VPS26B: variants seen among roughly 807,000 people sequenced by gnomAD.
VPS26B encodes the protein vacuolar protein sorting-associated protein 26B.
Under a neutral mutation model 33.3 loss-of-function variants are expected in VPS26B, and 10 were observed. That is an observed-to-expected ratio of 0.30 (90% CI 0.19 to 0.51). The LOEUF (loss-of-function observed/expected upper bound fraction) is 0.51, where lower values mean the gene tolerates loss of function less well. VPS26B is among the 20% of genes least tolerant of loss of function. The probability of loss-of-function intolerance (pLI) is 0.98; values close to 1 mark genes in which losing one functional copy is unlikely to be tolerated. For synonymous variants in VPS26B, 190 were observed against 176.9 expected, an observed-to-expected ratio of 1.07 and a Z score of -0.59; for missense variants, 317 against 452.7, an observed-to-expected ratio of 0.70 and a Z score of 2.72.
intron 2 of VPS26B, chr11:134,239,699 G>A (rs1369409774): frequency 2.4e-6 from 1 of 423,066 alleles, no homozygotes; most frequent in Non-Finnish European, 4.4e-6. Context: ...ACAAGGCAGA[G>A]AAATCACTTT....
In VPS26B at chr11:134,240,066, C is replaced by T; in HGVS notation, c.456C>T (p.Leu152=). Residue 152 remains leucine, a synonymous_variant, in exon 3 of 6, where the codon CTC becomes CTT. Transcript: ENST00000281187. This position sits in a 1 kb window ranked among gnomAD's most constrained non-coding sequence, Gnocchi z 4.4. ...VKEMDIVVHT[L]STYPELNSSI... is the part of the protein sequence containing the mutation. ...AGATGGACATTGTAGTTCACACACT[C>T]AGCACATACCCAGAGCTGAACTCTT... 1 of 1,614,210 alleles carries T rather than the reference C, an allele frequency of 6.2e-7. No homozygotes were observed. Among genetic ancestry groups the T allele is most frequent in the Non-Finnish European group, 8.5e-7 (1 of 1,180,034 alleles).
chr11:134,244,926 C>T lies in VPS26B; in HGVS notation c.722-12C>T, dbSNP rs1264883754. On this transcript the variant is annotated splice_polypyrimidine_tract_variant and intron_variant, in intron 4 of 5. Coordinates refer to ENST00000281187, the MANE Select transcript of VPS26B (RefSeq NM_052875.5). This position sits in a 1 kb window ranked among gnomAD's most constrained non-coding sequence, Gnocchi z 4.0. ...CTTGCCCCCTGTGCTGACTCCTGCC[C>T]TCCCCCTACAGGAGAGTCCATCCCG... 3 of 1,611,082 alleles carry T rather than the reference C, an allele frequency of 1.9e-6. No homozygotes were observed. The highest frequency in any genetic ancestry group is 2.7e-5 in the African/African-American group (2 of 74,924).
chr11:134,243,700 A>G (rs1231805959), intron 4 of VPS26B: 2 of 166,462 alleles, frequency 1.2e-5, no homozygotes, highest in Admixed American at 1.2e-4. Context: ...ACTTGGCTCT[A>G]GCTCCGATTT....
chr11:134,233,056 C>G (rs1938579538), intron 1 of VPS26B, among the ~76,000 whole-genome samples: 1 of 152,202 alleles, frequency 6.6e-6, no homozygotes, highest in African/African-American at 2.4e-5. Context: ...TGGATTATCA[C>G]TCACTAACCA....
chr11:134,230,719 G>A (rs1043767863), intron 1 of VPS26B, among the ~76,000 whole-genome samples: 3 of 152,232 alleles, frequency 2.0e-5, no homozygotes, highest in Admixed American at 6.5e-5. Context: ...CCTCTGGCCC[G>A]TTTGGTCCTG....
Position 134,240,974 on chromosome 11 carries a change from CTTTAT to C in VPS26B, c.545+824_545+828del, listed in dbSNP as rs1356038875. On this transcript the variant is annotated intron_variant, in intron 3 of 5. Coordinates refer to ENST00000281187, the MANE Select transcript of VPS26B (RefSeq NM_052875.5). The surrounding 1 kb of genome is among the most constrained non-coding windows in gnomAD (Gnocchi z 4.4). ...ATTTTTTATAAAAGTCTTAAAATGACTTTATTTTAACTGGCAAGTTGGGAAGATGT... is the reference window on the plus strand; with the variant it reads ...ATTTTTTATAAAAGTCTTAAAATGACTTTAACTGGCAAGTTGGGAAGATGT... Among the ~76,000 whole-genome samples the C allele has an allele frequency of 3.3e-5, 5 of 152,242 alleles. No homozygotes were observed. The South Asian group carries it at 6.2e-4, about 19-fold the overall frequency.
intron 3 of VPS26B, among the ~76,000 whole-genome samples, chr11:134,242,484 G>A (rs1938742776): frequency 6.6e-6 from 1 of 152,252 alleles, no homozygotes; most frequent in Admixed American, 6.5e-5. Flanking sequence ...TCTCATGCCT[G>A]ATACGGGCTG....
chr11:134,234,933 T>C lies in VPS26B; in HGVS notation c.260T>C (p.Val87Ala). 2 of 1,614,182 alleles carry C rather than the reference T, an allele frequency of 1.2e-6. No individual in the cohort carries two copies. The highest frequency in any genetic ancestry group is 1.7e-6 in the Non-Finnish European group (2 of 1,180,028). ...YYDRGNHHEF[V>A]SLVKDLARPG... ...GATCGCGGGAACCACCATGAGTTTG[T>C]GTCCCTGGTGAAGGACCTGGCCCGG... is the stretch of plus-strand genomic sequence containing the variant. The change falls in exon 2 of 6, where the codon GTG becomes GCG. Residue 87 changes from valine to alanine, a missense_variant. Physicochemically the swap from Val to Ala is moderately conservative, Grantham distance 64. Transcript: ENST00000281187.
chr11:134,237,796 G>C (rs531154020), intron 2 of VPS26B, among the ~76,000 whole-genome samples: 27 of 152,350 alleles, frequency 1.8e-4, no homozygotes, highest in Admixed American at 1.3e-4. Context: ...AGCGGTTTCT[G>C]TTGGGTGGTG....
At chr11:134,226,568 G>GT in intron 1 of VPS26B, among the ~76,000 whole-genome samples, 1 of 152,280 alleles carries the variant, frequency 6.6e-6, no homozygotes, top group Non-Finnish European at 1.5e-5. Context: ...AAAATAAGTT[G>GT]TTTTTGTCGT....
chr11:134,225,615 C>A (rs1041573305), intron 1 of VPS26B, among the ~76,000 whole-genome samples: 1 of 152,248 alleles, frequency 6.6e-6, no homozygotes, highest in Middle Eastern at 3.2e-3. Context: ...GGCACCTTGC[C>A]TATGGGTTCT....
intron 1 of VPS26B, among the ~76,000 whole-genome samples, chr11:134,226,707 C>T (rs1416855109): frequency 6.6e-6 from 1 of 152,184 alleles, no homozygotes; most frequent in East Asian, 1.9e-4. Flanking sequence ...CTTTGTTAAA[C>T]TCTCTTATCC....
At position 134,245,720 on chromosome 11, in the gene VPS26B, T is replaced by A; in HGVS notation, c.*130T>A. 2 of 1,249,028 alleles carry A rather than the reference T, an allele frequency of 1.6e-6. No individual in the cohort carries two copies. The highest frequency in any genetic ancestry group is 2.8e-5 in the Admixed American group (1 of 36,160). 77.4% of individuals were successfully genotyped at this position (1,249,028 alleles called of 1,614,324 possible). A position where few individuals can be genotyped will look rare whatever the true frequency, so the allele number is the denominator to read the frequency against. ...ACTTGCAACCTGAAAACAAATCATGTTTTTGACTTAAATTCTTTTCTCTGG... is the reference window on the plus strand; with the variant it reads ...ACTTGCAACCTGAAAACAAATCATGATTTTGACTTAAATTCTTTTCTCTGG... On this transcript the variant is annotated 3_prime_UTR_variant, in exon 6 of 6. Coordinates refer to ENST00000281187, the MANE Select transcript of VPS26B (RefSeq NM_052875.5). This position sits in a 1 kb window ranked among gnomAD's most constrained non-coding sequence, Gnocchi z 4.7.
intron 1 of VPS26B, among the ~76,000 whole-genome samples, chr11:134,230,207 C>T (rs1938537766): frequency 6.6e-6 from 1 of 152,212 alleles, no homozygotes; most frequent in Admixed American, 6.5e-5. Context: ...TTACTAATTT[C>T]TGAGCACCTG....
In VPS26B at chr11:134,224,938, C is replaced by A; in HGVS notation, c.-185C>A. The A allele has an allele frequency of 3.3e-6, 1 of 303,814 alleles. No individual in the cohort carries two copies. Among genetic ancestry groups the A allele is most frequent in the Non-Finnish European group, 5.6e-6 (1 of 180,040 alleles). 18.8% of individuals were successfully genotyped at this position (303,814 alleles called of 1,614,324 possible). A position where few individuals can be genotyped will look rare whatever the true frequency, so the allele number is the denominator to read the frequency against. On this transcript the variant is annotated 5_prime_UTR_variant, in exon 1 of 6. Transcript: ENST00000281187. ...CAGCCGCCAGCCTCCCCCGGCCGTG[C>A]CCCTCCCCCGTGGAGCCGGCTGTCC...
chr11:134,243,502 C>T (rs1591487740), intron 4 of VPS26B: 8 of 591,022 alleles, frequency 1.4e-5, no homozygotes, highest in South Asian at 9.9e-5. Flanking sequence ...CCCATCTTCA[C>T]CCTGAAAAGT....
chr11:134,241,655 G>T (rs963475145), intron 3 of VPS26B, among the ~76,000 whole-genome samples: 2 of 152,236 alleles, frequency 1.3e-5, no homozygotes, highest in Non-Finnish European at 2.9e-5. Flanking sequence ...GGAGCTCAAA[G>T]CAGCCACTGG....
Position 134,225,287 on chromosome 11 carries a change from G to A in VPS26B, c.165G>A (p.Lys55=). The part of the protein sequence containing the change: ...TVSGKVSLAL[K]NPNKRLEHQG... ...CCGGGAAGGTGAGCCTTGCCCTCAA[G>A]AACCCCAACAAGCGGCTGGAGCACC... The change falls in exon 1 of 6, where the codon AAG becomes AAA. Residue 55 remains lysine (K), a synonymous_variant. Coordinates refer to ENST00000281187, the MANE Select transcript of VPS26B (RefSeq NM_052875.5). 2 of 1,614,126 alleles carry A rather than the reference G, an allele frequency of 1.2e-6. No individual in the cohort carries two copies. Among genetic ancestry groups the A allele is most frequent in the Non-Finnish European group, 1.7e-6 (2 of 1,179,990 alleles).
At chr11:134,243,982 A>C (rs1438688235) in intron 4 of VPS26B, 2 of 152,208 alleles carry the variant, frequency 1.3e-5, no homozygotes, top group African/African-American at 4.8e-5. Flanking sequence ...TGGTGCTTCC[A>C]GGGTTTTATT....
Sources: allele counts gnomAD v4.1 joint callset (sites outside exome capture counted in the v4.1 genomes callset), GRCh38; gene constraint gnomAD v4.1.1; non-coding constraint Gnocchi (gnomAD v3.1); transcripts MANE v1.5; gene names NCBI Gene and HGNC (gene_info 2026-07-23, HGNC 2026-07-21).